Variants in ANK2 observed in about 807,000 individuals in gnomAD.
The protein encoded by ANK2 is ankyrin 2, also known as ankyrin-2.
A neutral mutation model predicts 360.5 loss-of-function variants in ANK2; 83 were observed. The observed-to-expected ratio is 0.23, with a 90% CI of 0.19 to 0.28. The LOEUF (loss-of-function observed/expected upper bound fraction) is 0.28, where lower values mean the gene tolerates loss of function less well. Ranked by LOEUF, ANK2 falls within the 10% of genes least tolerant of loss-of-function variation. ANK2 has a pLI of 1.00. For missense variants in ANK2, 4,201 were observed against 4,795.7 expected, an observed-to-expected ratio of 0.88 and a Z score of 3.66; for synonymous variants, 1,740 against 1,759.5, an observed-to-expected ratio of 0.99 and a Z score of 0.28.
intron 11 of ANK2, among the ~76,000 whole-genome samples, chr4:113,257,242 G>A (rs376793158): frequency 1.3e-5 from 2 of 152,100 alleles, no homozygotes; most frequent in African/African-American, 4.8e-5. Flanking sequence ...TATAATACAC[G>A]ATGAGTAAGC....
At position 113,356,657 on chromosome 4, in the gene ANK2, G is replaced by A. The variant is rs753552817; in HGVS notation, c.8039G>A (p.Gly2680Asp). 2.5e-6 allele frequency: 4 copies of A among 1,614,030 alleles called. No homozygotes were observed. The South Asian group carries it at 3.3e-5, about 13-fold the overall frequency. ...CAGCTTAAAAAAGGTGCTGACTCAGGCCTTTTACCAGAACCAGTGATTCGA... is the reference window on the plus strand; with the variant it reads ...CAGCTTAAAAAAGGTGCTGACTCAGACCTTTTACCAGAACCAGTGATTCGA... ...LAQLKKGADS[G>D]LLPEPVIRVQ... is the part of the protein sequence containing the mutation. Residue 2680 changes from glycine (G) to aspartate (D), a missense_variant, in exon 38 of 46, where the codon GGC becomes GAC. Gly to Asp is a moderately conservative substitution (Grantham distance 94). Coordinates refer to ENST00000357077, the MANE Select transcript of ANK2 (RefSeq NM_001148.6).
chr4:113,119,466 A>C (rs920999701), intron 1 of ANK2, among the ~76,000 whole-genome samples: 3 of 152,020 alleles, frequency 2.0e-5, no homozygotes, highest in African/African-American at 7.2e-5. Context: ...ATCATACCTT[A>C]AGGTGTACAT....
intron 26 of ANK2, among the ~76,000 whole-genome samples, chr4:113,321,886 C>T (rs2086498813): frequency 6.6e-6 from 1 of 152,128 alleles, no homozygotes; most frequent in Non-Finnish European, 1.5e-5. Context: ...GTGTGCACCA[C>T]CATGCCCAGC....
chr4:112,881,866 A>G, intron 1 of ANK2: 1 of 786,526 alleles, frequency 1.3e-6, no homozygotes. Flanking sequence ...GGTTTTTGAG[A>G]ATATTCTCTT....
intron 1 of ANK2, chr4:112,826,439 A>G: frequency 1.9e-6 from 2 of 1,057,110 alleles, no homozygotes; most frequent in Non-Finnish European, 2.9e-6. Context: ...CTTTTGAAGA[A>G]TCTTCAGGTG....
At chr4:113,025,994 T>C (rs79996714) in intron 2 of ANK2, among the ~76,000 whole-genome samples, 4,438 of 152,272 alleles carry the variant, frequency 0.029, 226 homozygotes, top group African/African-American at 0.1. Flanking sequence ...AGTAAATAAA[T>C]GAAACTGGTT....
At chr4:113,166,834 G>A (rs1583596092) in intron 1 of ANK2, among the ~76,000 whole-genome samples, 1 of 152,206 alleles carries the variant, frequency 6.6e-6, no homozygotes, top group East Asian at 1.9e-4. Flanking sequence ...TAGTAAACAT[G>A]TTGAAGAACA....
At chr4:112,708,434 A>T in the ANK2 span, among the ~76,000 whole-genome samples, 1 of 152,198 alleles carries the variant, frequency 6.6e-6, no homozygotes, top group South Asian at 2.1e-4. Context: ...CATACTATTA[A>T]TTATATAATG....
chr4:113,339,810 A>G (rs2094039856), intron 32 of ANK2, among the ~76,000 whole-genome samples: 1 of 152,258 alleles, frequency 6.6e-6, no homozygotes, highest in South Asian at 2.1e-4. Flanking sequence ...GCTTATGCAC[A>G]CAATAACTCA....
At chr4:113,122,639 A>G (rs1259848001) in intron 1 of ANK2, among the ~76,000 whole-genome samples, 1 of 152,022 alleles carries the variant, frequency 6.6e-6, no homozygotes, top group East Asian at 1.9e-4. Context: ...CTTAGTGTCT[A>G]CTTATATGTG....
intron 9 of ANK2, among the ~76,000 whole-genome samples, chr4:113,244,678 T>C (rs975792727): frequency 1.3e-5 from 2 of 152,190 alleles, no homozygotes; most frequent in Non-Finnish European, 2.9e-5. Context: ...ACAGGTTTGT[T>C]ACACAGGTAT....
chr4:112,885,692 A>G (rs1430600502), intron 1 of ANK2, among the ~76,000 whole-genome samples: 1 of 145,086 alleles, frequency 6.9e-6, no homozygotes, highest in Non-Finnish European at 1.5e-5. Context: ...AGCTACTCGG[A>G]AGGCTGTGGG....
chr4:112,820,240 G>A (rs2056617302), intron 1 of ANK2, among the ~76,000 whole-genome samples: 1 of 152,140 alleles, frequency 6.6e-6, no homozygotes, highest in South Asian at 2.1e-4. Context: ...AATGCAGAAG[G>A]GCTATCCACA....
chr4:112,760,255 C>T, the ANK2 span, among the ~76,000 whole-genome samples: 2 of 149,390 alleles, frequency 1.3e-5, no homozygotes, highest in South Asian at 2.1e-4. Context: ...GGCGCGATAT[C>T]GGCTCACTGC....
intron 1 of ANK2, among the ~76,000 whole-genome samples, chr4:112,839,095 G>A (rs2061576988): frequency 6.6e-6 from 1 of 152,118 alleles, no homozygotes; most frequent in African/African-American, 2.4e-5. Flanking sequence ...ATCTGTCCAT[G>A]AAGACATTTT....
intron 1 of ANK2, chr4:112,826,638 GA>G: frequency 8.9e-7 from 1 of 1,126,596 alleles, no homozygotes; most frequent in Non-Finnish European, 1.3e-6. Context: ...AGGAGGCAGT[GA>G]AAAACGGGTG....
At chr4:113,309,439 A>G (rs1412845547) in intron 23 of ANK2, among the ~76,000 whole-genome samples, 5 of 152,198 alleles carry the variant, frequency 3.3e-5, no homozygotes, top group Admixed American at 2.0e-4. Flanking sequence ...AAAATGCACA[A>G]AATAAGGGAG....
the ANK2 span, among the ~76,000 whole-genome samples, chr4:112,810,933 T>TC: frequency 0.028 from 3,700 of 132,998 alleles, 54 homozygotes; most frequent in Middle Eastern, 0.043. Context: ...TTTCTTTCTT[T>TC]TTTTTTTTTT....
Position 113,355,295 on chromosome 4 carries a change from G to C in ANK2, c.6677G>C (p.Ser2226Thr), listed in dbSNP as rs766360388. 2 of 1,614,016 alleles carry C rather than the reference G, an allele frequency of 1.2e-6. No homozygotes were observed. Among genetic ancestry groups the C allele is most frequent in the South Asian group, 2.2e-5 (2 of 91,078 alleles). ...GSLMEGTPQI[S>T]SEESYKHEGL... ...CTGATGGAGGGGACCCCTCAGATTA[G>C]TTCAGAAGAAAGCTATAAGCATGAA... Residue 2226 changes from serine to threonine, a missense_variant, in exon 38 of 46, where the codon AGT (serine) becomes ACT (threonine). Transcript: ENST00000357077.
Sources: gnomAD v4.1 joint callset for allele counts (sites outside exome capture counted in the v4.1 genomes callset) on GRCh38, gnomAD v4.1.1 for gene constraint, MANE v1.5 for transcripts, NCBI Gene and HGNC (gene_info 2026-07-23, HGNC 2026-07-21) for gene names.